The following CCDC74A variants were observed in gnomAD, a reference collection of about 807,000 sequenced individuals.
CCDC74A encodes coiled-coil domain-containing protein 74A.
A neutral mutation model predicts 37.6 loss-of-function variants in CCDC74A; 38 were observed. The observed-to-expected ratio is 1.01, with a 90% CI of 0.78 to 1.33. The LOEUF is 1.33. Ranked by LOEUF, CCDC74A falls within the 40% of genes most tolerant of loss-of-function variation. CCDC74A has a pLI of 0.00. For missense variants in CCDC74A, 340 were observed against 403.4 expected, an observed-to-expected ratio of 0.84 and a Z score of 1.35; for synonymous variants, 134 against 165.2, an observed-to-expected ratio of 0.81 and a Z score of 1.45.
At position 131,528,409 on chromosome 2, in the gene CCDC74A, G is replaced by A. The variant is rs1174050763; in HGVS notation, c.250+189G>A. The A allele has an allele frequency of 1.1e-4, 178 of 1,550,720 alleles. No individual in the cohort carries two copies. In the East Asian group the frequency reaches 3.3e-3, roughly 29 times the overall value. On this transcript the variant is annotated intron_variant, in intron 1 of 7. Transcript: ENST00000409856. ...CCAGAGGGAGACCCGCGTGGCCCCCGGGCAGTGCCGACCCTGTCTGCCTGT... is the reference window on the plus strand; with the variant it reads ...CCAGAGGGAGACCCGCGTGGCCCCCAGGCAGTGCCGACCCTGTCTGCCTGT...
chr2:131,525,132 T>G (rs542822110), upstream of CCDC74A, among the ~76,000 whole-genome samples: 75 of 152,282 alleles, frequency 4.9e-4, no homozygotes, highest in African/African-American at 1.7e-3. Context: ...ACTGAATACA[T>G]GTTGCCATAA....
At position 131,531,714 on chromosome 2, in the gene CCDC74A, G is replaced by C. The variant is rs1681334519; in HGVS notation, c.397G>C (p.Asp133His). The C allele has an allele frequency of 6.7e-7, 1 of 1,489,140 alleles. No homozygotes were observed. Among genetic ancestry groups the C allele is most frequent in the Non-Finnish European group, 8.9e-7 (1 of 1,129,852 alleles). The allele number at this position is 1,489,140 out of a possible 1,614,324, so 92.2% of individuals were successfully genotyped here. The change falls in exon 4 of 8, where the codon GAC becomes CAC. Residue 133 changes from aspartate to histidine, a missense_variant. Coordinates refer to ENST00000409856, the MANE Select transcript of CCDC74A (RefSeq NM_001258306.3). The part of the protein sequence containing the change: ...GSFNKQDSKA[D>H]VSQKADLEEE... Reference sequence around the variant, plus strand: ...CTTCAACAAGCAAGATTCAAAAGCTGACGTCTCCCAGAAGGCGGACCTGGA... The same window carrying C: ...CTTCAACAAGCAAGATTCAAAAGCTCACGTCTCCCAGAAGGCGGACCTGGA...
In CCDC74A at chr2:131,533,408, A is replaced by G. The variant is rs2104837847; in HGVS notation, c.*10A>G. ...TCGCTCAGTGCTTTGAGCCACCCCAATCTGGTCAGTGCCAGGCCCACCAAC... is the reference window on the plus strand; with the variant it reads ...TCGCTCAGTGCTTTGAGCCACCCCAGTCTGGTCAGTGCCAGGCCCACCAAC... On this transcript the variant is annotated 3_prime_UTR_variant, in exon 8 of 8. Coordinates refer to ENST00000409856, the MANE Select transcript of CCDC74A (RefSeq NM_001258306.3). 4 of 1,613,204 alleles carry G rather than the reference A, an allele frequency of 2.5e-6. No individual in the cohort carries two copies. Among genetic ancestry groups the G allele is most frequent in the East Asian group, 4.5e-5 (2 of 44,864 alleles).
At chr2:131,527,859 C>G (rs896075781), upstream of CCDC74A, 59 of 1,401,262 alleles carry the variant, frequency 4.2e-5, no homozygotes, top group African/African-American at 8.3e-4. Context: ...CCCCGCCAAC[C>G]GCCTCGCGCC....
At chr2:131,531,235 A>C (rs909560118) in intron 3 of CCDC74A, among the ~76,000 whole-genome samples, 5 of 152,090 alleles carry the variant, frequency 3.3e-5, no homozygotes, top group African/African-American at 7.2e-5. Context: ...CCTTCTGCAG[A>C]GTGAGCCGGG....
intron 1 of CCDC74A, 112 bp downstream of exon 1, chr2:131,528,332 G>A (rs950263437): frequency 6.5e-7 from 1 of 1,547,922 alleles, no homozygotes; most frequent in African/African-American, 1.4e-5. Flanking sequence ...CTGGGCTCAG[G>A]GGGAACACAG....
At chr2:131,528,311 C>T in intron 1 of CCDC74A, 91 bp downstream of exon 1, 16 of 1,555,726 alleles carry the variant, frequency 1.0e-5, no homozygotes, top group East Asian at 2.4e-5. Context: ...GCCATCAACT[C>T]CAGCACACGC....
intron 1 of CCDC74A, among the ~76,000 whole-genome samples, chr2:131,528,938 C>T (rs544951917): frequency 7.0e-6 from 1 of 143,156 alleles, no homozygotes; most frequent in East Asian, 2.3e-4. Flanking sequence ...ACCCCGTCCC[C>T]GCTTCGCCTG....
At chr2:131,522,644 G>A in the CCDC74A span, among the ~76,000 whole-genome samples, 83 of 152,186 alleles carry the variant, frequency 5.5e-4, no homozygotes, top group Non-Finnish European at 1.0e-3. Context: ...TTGCACCTCC[G>A]CATCGTCCTC....
intron 2 of CCDC74A, chr2:131,530,442 G>C (rs189180198): frequency 6.5e-7 from 1 of 1,545,662 alleles, no homozygotes; most frequent in South Asian, 1.2e-5. Flanking sequence ...ACTCCAGTGA[G>C]CTGTTCTGGG....
At position 131,533,339 on chromosome 2, in the gene CCDC74A, G is replaced by A. The variant is rs140033985; in HGVS notation, c.880G>A (p.Glu294Lys). The change falls in exon 8 of 8, where the codon GAG becomes AAG. Residue 294 changes from glutamate (E) to lysine (K), a missense_variant. Glu to Lys is a moderately conservative substitution (Grantham distance 56). This residue lies in a region of CCDC74A where 185 missense variants were observed against 231.5 expected (regional missense o/e 0.80). Transcript: ENST00000409856. ...LKQTPKNNFA[E>K]RQKRLQAMQK... is the part of the protein sequence containing the mutation. ...GCAGACCCCGAAGAACAACTTTGCCGAGAGGCAGAAGAGGCTGCAGGCAAT... is the reference window on the plus strand; with the variant it reads ...GCAGACCCCGAAGAACAACTTTGCCAAGAGGCAGAAGAGGCTGCAGGCAAT... The A allele has an allele frequency of 0.013, 20,847 of 1,613,534 alleles. 240 individuals are homozygous for A. The highest frequency in any genetic ancestry group is 0.026 in the Middle Eastern group (156 of 5,922).
chr2:131,522,644 G>T, the CCDC74A span, among the ~76,000 whole-genome samples: 1 of 152,070 alleles, frequency 6.6e-6, no homozygotes, highest in Non-Finnish European at 1.5e-5. Context: ...TTGCACCTCC[G>T]CATCGTCCTC....
upstream of CCDC74A, among the ~76,000 whole-genome samples, chr2:131,522,768 T>C (rs1680165627): frequency 6.6e-6 from 1 of 152,146 alleles, no homozygotes; most frequent in Non-Finnish European, 1.5e-5. Context: ...TCTGATCATC[T>C]TGTGCAAGCA....
chr2:131,528,303 C>T (rs1331379510), intron 1 of CCDC74A, 83 bp downstream of exon 1: 2 of 1,564,202 alleles, frequency 1.3e-6, no homozygotes, highest in East Asian at 2.4e-5. Flanking sequence ...GAAACACAGC[C>T]ATCAACTCCA....
rs1681779726 is a variant in CCDC74A at position 131,533,655 on chromosome 2, G to T, written c.*257G>T. ...CCTGTTGAAACTGAAAATAAAGCTT[G>T]TTTATTTCCAAGTTGTGTGCCTGGC... On this transcript the variant is annotated 3_prime_UTR_variant, in exon 8 of 8. Coordinates refer to ENST00000409856, the MANE Select transcript of CCDC74A (RefSeq NM_001258306.3). 3.9e-6 allele frequency: 2 copies of T among 510,866 alleles called. No individual in the cohort carries two copies. Among genetic ancestry groups the T allele is most frequent in the Admixed American group, 6.7e-5 (2 of 29,890 alleles). The allele number at this position is 510,866 out of a possible 1,614,324, so 31.6% of individuals were successfully genotyped here. A position where few individuals can be genotyped will look rare whatever the true frequency, so the allele number is the denominator to read the frequency against.
chr2:131,525,478 A>G (rs1295726044), upstream of CCDC74A, among the ~76,000 whole-genome samples: 1 of 152,138 alleles, frequency 6.6e-6, no homozygotes. Flanking sequence ...TTGGCCTCTC[A>G]AAGTGCTGGG....
chr2:131,529,370 A>G (rs1026243399), intron 1 of CCDC74A: 1 of 609,406 alleles, frequency 1.6e-6, no homozygotes, highest in Admixed American at 2.8e-5. Flanking sequence ...CCTAAAGCCC[A>G]GGCCCTGCCT....
At chr2:131,524,362 G>C (rs1485024899), upstream of CCDC74A, among the ~76,000 whole-genome samples, 2 of 152,192 alleles carry the variant, frequency 1.3e-5, no homozygotes, top group Non-Finnish European at 2.9e-5. Flanking sequence ...TGGGCCACTG[G>C]ATGCACTCAT....
chr2:131,532,572 T>G lies in CCDC74A; in HGVS notation c.486-17T>G. The G allele has an allele frequency of 1.3e-6, 2 of 1,546,956 alleles. No individual in the cohort carries two copies. The highest frequency in any genetic ancestry group is 1.7e-6 in the Non-Finnish European group (2 of 1,149,004). On this transcript the variant is annotated splice_polypyrimidine_tract_variant and intron_variant, in intron 4 of 7. Coordinates refer to ENST00000409856, the MANE Select transcript of CCDC74A (RefSeq NM_001258306.3). ...ACCTGGGCAGGTCACCTCTGGCTGC[T>G]GCAATGACTGTTTCAGAAAGGAGAA...
Sources: gnomAD v4.1 joint callset for allele counts (sites outside exome capture counted in the v4.1 genomes callset) on GRCh38, gnomAD v4.1.1 for gene constraint, gnomAD v4.1.1 regional missense constraint, MANE v1.5 for transcripts, NCBI Gene and HGNC (gene_info 2026-07-23, HGNC 2026-07-21) for gene names.